LRRC38: variants seen among roughly 807,000 people sequenced by gnomAD.
LRRC38 encodes leucine rich repeat containing 38.
LRRC38 carries 5 observed loss-of-function variants against 16.4 expected under a neutral mutation model. That is an observed-to-expected ratio of 0.31 (90% CI 0.16 to 0.64). The LOEUF (loss-of-function observed/expected upper bound fraction) is 0.64. Ranked by LOEUF, LRRC38 falls within the 30% of genes least tolerant of loss-of-function variation. The pLI, the probability that LRRC38 is intolerant of heterozygous loss-of-function variation, is 0.80. For missense variants in LRRC38, 341 were observed against 401.8 expected, an observed-to-expected ratio of 0.85 and a Z score of 1.29; for synonymous variants, 191 against 190.2, an observed-to-expected ratio of 1.00 and a Z score of -0.04.
Position 13,502,644 on chromosome 1 carries a change from T to C in LRRC38, c.631+10319A>G, listed in dbSNP as rs1639164132. 2.0e-5 allele frequency among the ~76,000 whole-genome samples: 3 copies of C among 152,250 alleles called. No homozygotes were observed. In the South Asian group the frequency reaches 6.2e-4, roughly 31 times the overall value. Reference sequence around the variant, plus strand: ...GGTCTATAAACCACTGTCATTTTACTGGGCTAACACAAGCCCTCCTCATTT... The same window carrying C: ...GGTCTATAAACCACTGTCATTTTACCGGGCTAACACAAGCCCTCCTCATTT... On this transcript the variant is annotated intron_variant, in intron 1 of 1. Coordinates refer to ENST00000376085, the MANE Select transcript of LRRC38 (RefSeq NM_001010847.2).
intron 1 of LRRC38, among the ~76,000 whole-genome samples, chr1:13,484,943 T>A (rs554872636): frequency 6.6e-6 from 1 of 152,346 alleles, no homozygotes; most frequent in Non-Finnish European, 1.5e-5. Flanking sequence ...CTCACCCTAG[T>A]GCCTATGCAG....
chr1:13,498,263 G>T (rs1389060177), intron 1 of LRRC38, among the ~76,000 whole-genome samples: 3 of 151,432 alleles, frequency 2.0e-5, no homozygotes, highest in South Asian at 2.1e-4. Context: ...AAAAAAAAGA[G>T]CCCAGTTTGT....
At chr1:13,503,772 C>A (rs1054136862) in intron 1 of LRRC38, among the ~76,000 whole-genome samples, 2 of 152,196 alleles carry the variant, frequency 1.3e-5, no homozygotes, top group African/African-American at 2.4e-5. Flanking sequence ...TGTTGGAGCC[C>A]GGATTGGGAC....
chr1:13,500,197 G>A (rs1031896585), intron 1 of LRRC38, among the ~76,000 whole-genome samples: 1 of 151,404 alleles, frequency 6.6e-6, no homozygotes, highest in South Asian at 2.1e-4. Flanking sequence ...AGAGATTGCA[G>A]TGAGCCGAGA....
In LRRC38 at chr1:13,487,919, C is replaced by A. The variant is rs381599; in HGVS notation, c.632-11820G>T. ...AAATATTTTTTTGTTTTCTTATCTC[C>A]ACATATTAGGCAAAGCTCACATATA... On this transcript the variant is annotated intron_variant, in intron 1 of 1. Transcript: ENST00000376085. This position sits in a 1 kb window ranked among gnomAD's most constrained non-coding sequence, Gnocchi z 4.4. 0.33 allele frequency among the ~76,000 whole-genome samples: 49,907 copies of A among 151,806 alleles called. 9,616 individuals carry two copies. Among genetic ancestry groups the A allele is most frequent in the African/African-American group, 0.54 (22,342 of 41,364 alleles).
chr1:13,511,450 G>C (rs1639273234), intron 1 of LRRC38, among the ~76,000 whole-genome samples: 1 of 151,982 alleles, frequency 6.6e-6, no homozygotes, highest in African/African-American at 2.4e-5. Flanking sequence ...GGCCCAAATG[G>C]GACAAGTGGC....
chr1:13,481,927 C>T (rs1268096693), intron 1 of LRRC38, among the ~76,000 whole-genome samples: 3 of 152,100 alleles, frequency 2.0e-5, no homozygotes, highest in African/African-American at 7.2e-5. Flanking sequence ...GACTTCCACC[C>T]TCCAGAACTG....
At chr1:13,510,334 ACT>A (rs1320861945) in intron 1 of LRRC38, among the ~76,000 whole-genome samples, 4 of 152,058 alleles carry the variant, frequency 2.6e-5, no homozygotes, top group Non-Finnish European at 5.9e-5. Flanking sequence ...TCTGGGTTTA[ACT>A]CTCTGTGTGA....
chr1:13,489,699 G>A (rs1323020782), intron 1 of LRRC38, among the ~76,000 whole-genome samples: 3 of 152,174 alleles, frequency 2.0e-5, no homozygotes, highest in African/African-American at 4.8e-5. Context: ...CTCTCCTGGG[G>A]ACAGGGGTGC....
chr1:13,509,723 G>A (rs145009136), intron 1 of LRRC38, among the ~76,000 whole-genome samples: 2 of 152,198 alleles, frequency 1.3e-5, no homozygotes, highest in East Asian at 3.9e-4. Flanking sequence ...CCCTAAAACT[G>A]TAGAACTTTA....
Position 13,475,948 on chromosome 1 carries a change from C to T in LRRC38, c.783G>A (p.Ala261=), listed in dbSNP as rs150134152. The change falls in exon 2 of 2, where the codon GCG becomes GCA. Residue 261 remains alanine (A), a synonymous_variant. Transcript: ENST00000376085. The surrounding 1 kb of genome is among the most constrained non-coding windows in gnomAD (Gnocchi z 4.3). ...CCAGGAAGAAGCTGGAGATGATGGC[C>T]GCAATGGACACGGCCACACCGGAGA... ...IIFSGVAVSI[A]AIISSFFLAT... The T allele has an allele frequency of 2.9e-3, 4,519 of 1,550,450 alleles. 237 individuals are homozygous for T. The Admixed American group carries it at 0.082, about 28-fold the overall frequency.
chr1:13,480,747 C>G (rs1638842895), intron 1 of LRRC38, among the ~76,000 whole-genome samples: 1 of 152,214 alleles, frequency 6.6e-6, no homozygotes, highest in African/African-American at 2.4e-5. Context: ...CACCTTCCAC[C>G]ATGATTGTGA....
rs868399001 is a variant in LRRC38 at position 13,476,046 on chromosome 1, G to C, written c.685C>G (p.Arg229Gly). The change falls in exon 2 of 2, where the codon CGT (arginine) becomes GGT (glycine). Residue 229 changes from arginine to glycine, a missense_variant. Arg to Gly is a moderately radical substitution (Grantham distance 125). Coordinates refer to ENST00000376085, the MANE Select transcript of LRRC38 (RefSeq NM_001010847.2). ...CTGAAGCTGGCCTCCGACAGCTCACGCAGGGATATCCTCCTGCTCTCCATG... is the reference window on the plus strand; with the variant it reads ...CTGAAGCTGGCCTCCGACAGCTCACCCAGGGATATCCTCCTGCTCTCCATG... The part of the protein sequence containing the change: ...LPMESRRISL[R>G]ELSEASFSEC... 1 of 1,550,398 alleles carries C rather than the reference G, an allele frequency of 6.4e-7. No individual in the cohort carries two copies. Among genetic ancestry groups the C allele is most frequent in the African/African-American group, 1.4e-5 (1 of 73,022 alleles).
intron 1 of LRRC38, among the ~76,000 whole-genome samples, chr1:13,499,095 T>C (rs1229246735): frequency 1.3e-5 from 2 of 151,936 alleles, no homozygotes; most frequent in Admixed American, 6.6e-5. Flanking sequence ...TCCCACTGCA[T>C]TTTTTTTGTT....
chr1:13,489,793 G>A (rs1194229503), intron 1 of LRRC38, among the ~76,000 whole-genome samples: 1 of 152,072 alleles, frequency 6.6e-6, no homozygotes, highest in Non-Finnish European at 1.5e-5. Flanking sequence ...TTGCATACAG[G>A]GAAAATTCCC....
At chr1:13,497,962 C>CAAAA (rs370605050) in intron 1 of LRRC38, among the ~76,000 whole-genome samples, 1,862 of 68,682 alleles carry the variant, frequency 0.027, 64 homozygotes, top group African/African-American at 0.096. Context: ...AACTCCATCA[C>CAAAA]AAAAAAAAAA....
At chr1:13,484,100 AC>A (rs1184514382) in intron 1 of LRRC38, among the ~76,000 whole-genome samples, 1 of 151,256 alleles carries the variant, frequency 6.6e-6, no homozygotes, top group Non-Finnish European at 1.5e-5. Flanking sequence ...CCCCTGCTAA[AC>A]CCCTCCACTC....
At chr1:13,495,809 GT>G (rs1639073701) in intron 1 of LRRC38, among the ~76,000 whole-genome samples, 1 of 151,946 alleles carries the variant, frequency 6.6e-6, no homozygotes, top group Admixed American at 6.6e-5. Context: ...ATCGAATTCC[GT>G]TTCCTTGTAA....
At chr1:13,479,064 G>A (rs899866451) in intron 1 of LRRC38, among the ~76,000 whole-genome samples, 55 of 152,102 alleles carry the variant, frequency 3.6e-4, no homozygotes, top group African/African-American at 1.3e-3. Context: ...CCAAACTTCT[G>A]AGAATTTTAA....
Sources: allele counts gnomAD v4.1 joint callset (sites outside exome capture counted in the v4.1 genomes callset), GRCh38; gene constraint gnomAD v4.1.1; non-coding constraint Gnocchi (gnomAD v3.1); transcripts MANE v1.5; gene names NCBI Gene and HGNC (gene_info 2026-07-23, HGNC 2026-07-21).